TRIM9: variants seen among roughly 807,000 people sequenced by gnomAD.
TRIM9 encodes E3 ubiquitin-protein ligase TRIM9.
Under a neutral mutation model 78.3 loss-of-function variants are expected in TRIM9, and 26 were observed. The ratio of observed to expected loss-of-function variants is 0.33; its 90% CI spans 0.24 to 0.46. The LOEUF (loss-of-function observed/expected upper bound fraction) is 0.46, where lower values mean the gene tolerates loss of function less well. Ranked by LOEUF, TRIM9 falls within the 20% of genes least tolerant of loss-of-function variation. The pLI, the probability that TRIM9 is intolerant of heterozygous loss-of-function variation, is 1.00. For synonymous variants in TRIM9, 398 were observed against 416.5 expected, an observed-to-expected ratio of 0.96 and a Z score of 0.54; for missense variants, 787 against 1,036.4, an observed-to-expected ratio of 0.76 and a Z score of 3.30.
chr14:51,038,350 C>T (rs900780115), intron 1 of TRIM9, among the ~76,000 whole-genome samples: 1 of 152,112 alleles, frequency 6.6e-6, no homozygotes, highest in Non-Finnish European at 1.5e-5. Flanking sequence ...GGTAAAAAAT[C>T]TATGTTGTTT....
At chr14:50,997,773 T>A in intron 7 of TRIM9, 1 of 1,355,566 alleles carries the variant, frequency 7.4e-7, no homozygotes, top group Non-Finnish European at 9.5e-7. Flanking sequence ...GGCCTTCATT[T>A]TTCAGCTTCT....
Position 50,977,211 on chromosome 14 carries a change from A to G in TRIM9, c.*80T>C. 8.0e-7 allele frequency: 1 copy of G among 1,257,334 alleles called. No individual in the cohort carries two copies. The highest frequency in any genetic ancestry group is 1.1e-6 in the Non-Finnish European group (1 of 948,666). 77.9% of individuals were successfully genotyped at this position (1,257,334 alleles called of 1,614,324 possible). A position where few individuals can be genotyped will look rare whatever the true frequency, so the allele number is the denominator to read the frequency against. ...CCCACTCCTGCCAACTCTGCACCCC[A>G]CCACGGCTGGCTGAGCTCCTTGCTG... On this transcript the variant is annotated 3_prime_UTR_variant, in exon 13 of 13. Coordinates refer to ENST00000684578, the MANE Select transcript of TRIM9 (RefSeq NM_001387360.1).
chr14:51,079,583 C>G (rs893952031), intron 1 of TRIM9, among the ~76,000 whole-genome samples: 3 of 152,190 alleles, frequency 2.0e-5, no homozygotes, highest in South Asian at 2.1e-4. Context: ...GGTTATTGAG[C>G]AAGTGCATTA....
At chr14:51,046,621 C>T (rs983785348) in intron 1 of TRIM9, among the ~76,000 whole-genome samples, 3 of 152,264 alleles carry the variant, frequency 2.0e-5, no homozygotes, top group African/African-American at 7.2e-5. Context: ...AAATTTCATT[C>T]TCAGAGAAAA....
chr14:51,014,946 T>G (rs2056995426), intron 3 of TRIM9, among the ~76,000 whole-genome samples: 1 of 152,232 alleles, frequency 6.6e-6, no homozygotes, highest in African/African-American at 2.4e-5. Flanking sequence ...ACAGTCTTCC[T>G]GCTTTCATCT....
chr14:51,078,743 T>TG (rs1395030090), intron 1 of TRIM9, among the ~76,000 whole-genome samples: 2 of 152,086 alleles, frequency 1.3e-5, no homozygotes, highest in Non-Finnish European at 2.9e-5. Context: ...GTTACCATGG[T>TG]GGGGAGAAAA....
intron 1 of TRIM9, among the ~76,000 whole-genome samples, chr14:51,032,307 A>G (rs1218846842): frequency 6.6e-6 from 1 of 152,196 alleles, no homozygotes; most frequent in African/African-American, 2.4e-5. Context: ...TCATGGACCT[A>G]TTACCTAACT....
intron 1 of TRIM9, among the ~76,000 whole-genome samples, chr14:51,050,390 TGC>T (rs2060306752): frequency 6.6e-6 from 1 of 152,224 alleles, no homozygotes. Flanking sequence ...TGGTTCTCAT[TGC>T]CTCTTTGCCT....
At chr14:51,053,562 T>C (rs1222292501) in intron 1 of TRIM9, among the ~76,000 whole-genome samples, 1 of 144,696 alleles carries the variant, frequency 6.9e-6, no homozygotes, top group Non-Finnish European at 1.5e-5. Flanking sequence ...TATTTATTTT[T>C]TTTTACTTTT....
chr14:50,987,744 G>A (rs1007105832), intron 7 of TRIM9, among the ~76,000 whole-genome samples: 7 of 151,968 alleles, frequency 4.6e-5, no homozygotes, highest in Non-Finnish European at 7.4e-5. Context: ...ATTATGGAGC[G>A]AAGGCATTTA....
At chr14:50,998,815 C>T (rs1050021079) in intron 6 of TRIM9, among the ~76,000 whole-genome samples, 1 of 152,216 alleles carries the variant, frequency 6.6e-6, no homozygotes, top group Non-Finnish European at 1.5e-5. Context: ...CATAATGCGT[C>T]TTTAGCATAG....
Position 51,005,892 on chromosome 14 carries a change from G to C in TRIM9, c.1306+3188C>G, listed in dbSNP as rs143043786. On this transcript the variant is annotated intron_variant, in intron 5 of 12. Transcript: ENST00000684578. Reference sequence around the variant, plus strand: ...TTGAGGGTGGTGTGGAATCAGAATGGGTCAGTTAAATCCGTAGCTAATAAG... The same window carrying C: ...TTGAGGGTGGTGTGGAATCAGAATGCGTCAGTTAAATCCGTAGCTAATAAG... Among the ~76,000 whole-genome samples, 160 of 152,194 alleles carry C rather than the reference G, an allele frequency of 1.1e-3. No individual in the cohort carries two copies. The East Asian group carries it at 0.028, about 26-fold the overall frequency.
chr14:51,050,682 C>G (rs2060342049), intron 1 of TRIM9, among the ~76,000 whole-genome samples: 1 of 152,142 alleles, frequency 6.6e-6, no homozygotes, highest in African/African-American at 2.4e-5. Context: ...CTTCTGAAGC[C>G]AGGTCATAAC....
intron 2 of TRIM9, 45 bp downstream of exon 2, chr14:51,025,220 C>A: frequency 2.0e-6 from 3 of 1,511,764 alleles, no homozygotes; most frequent in South Asian, 1.1e-5. Flanking sequence ...CACACAGTTA[C>A]GTATTAACCG....
chr14:51,003,064 C>T (rs968965058), intron 5 of TRIM9, among the ~76,000 whole-genome samples: 11 of 152,154 alleles, frequency 7.2e-5, no homozygotes, highest in African/African-American at 2.4e-4. Flanking sequence ...AAGAGAAGGA[C>T]ACAGAAGACA....
At chr14:50,998,815 CT>C (rs2054569211) in intron 6 of TRIM9, among the ~76,000 whole-genome samples, 1 of 152,216 alleles carries the variant, frequency 6.6e-6, no homozygotes, top group Non-Finnish European at 1.5e-5. Flanking sequence ...CATAATGCGT[CT>C]TTAGCATAGG....
chr14:51,009,077 T>C lies in TRIM9; in HGVS notation c.1306+3A>G, dbSNP rs1566572823. 6.2e-7 allele frequency: 1 copy of C among 1,613,732 alleles called. No individual in the cohort carries two copies. The highest frequency in any genetic ancestry group is 1.1e-5 in the South Asian group (1 of 91,068). On this transcript the variant is annotated splice_donor_region_variant and intron_variant, in intron 5 of 12. Coordinates refer to ENST00000684578, the MANE Select transcript of TRIM9 (RefSeq NM_001387360.1). Reference sequence around the variant, plus strand: ...CTCTGACTTGGGGGATGCAAGGACATACCTTTCACTTGCACGAAATCCAGC... The same window carrying C: ...CTCTGACTTGGGGGATGCAAGGACACACCTTTCACTTGCACGAAATCCAGC...
At position 50,977,618 on chromosome 14, in the gene TRIM9, G is replaced by A. The variant is rs959475569; in HGVS notation, c.2326-265C>T. On this transcript the variant is annotated intron_variant, in intron 12 of 12. Transcript: ENST00000684578. ...TTTTAAAGGATTCCGGGGAGATTGT[G>A]TTCCTTATAACTGAAGACACAGGCC... Among the ~76,000 whole-genome samples the A allele has an allele frequency of 7.2e-5, 11 of 152,246 alleles. No homozygotes were observed. The East Asian group carries it at 1.9e-3, about 27-fold the overall frequency.
intron 1 of TRIM9, chr14:51,090,516 G>A (rs1261610399): frequency 6.6e-6 from 1 of 152,176 alleles, no homozygotes; most frequent in Non-Finnish European, 1.5e-5. Context: ...AATGAATAGT[G>A]TTTAGAATAG....
Sources: allele counts gnomAD v4.1 joint callset (sites outside exome capture counted in the v4.1 genomes callset), GRCh38; gene constraint gnomAD v4.1.1; transcripts MANE v1.5; gene names NCBI Gene and HGNC (gene_info 2026-07-23, HGNC 2026-07-21).